The following ADK variants were observed in gnomAD, a reference collection of about 807,000 sequenced individuals.
ADK encodes the protein adenosine kinase.
A neutral mutation model predicts 44.7 loss-of-function variants in ADK; 24 were observed. That is an observed-to-expected ratio of 0.54 (90% CI 0.39 to 0.76). The LOEUF is 0.76. ADK is among the 30% of genes least tolerant of loss of function. The pLI, the probability that ADK is intolerant of heterozygous loss-of-function variation, is 0.00. For synonymous variants in ADK, 128 were observed against 142.6 expected (o/e 0.90, Z 0.73); for missense variants, 321 against 425.1 (o/e 0.76, Z 2.15).
At chr10:74,183,980 A>G (rs1224651321) in intron 1 of ADK, among the ~76,000 whole-genome samples, 1 of 151,600 alleles carries the variant, frequency 6.6e-6, no homozygotes, top group African/African-American at 2.4e-5. Flanking sequence ...GCAGTGGCAC[A>G]ATCTCAGCTC....
intron 1 of ADK, among the ~76,000 whole-genome samples, chr10:74,157,404 A>G (rs1168090152): frequency 2.0e-5 from 3 of 152,246 alleles, no homozygotes; most frequent in Non-Finnish European, 4.4e-5. Context: ...AATAATGGTC[A>G]TAAAAAAACA....
chr10:74,395,099 G>C (rs2132832108), intron 5 of ADK, among the ~76,000 whole-genome samples: 1 of 152,206 alleles, frequency 6.6e-6, no homozygotes, highest in African/African-American at 2.4e-5. Context: ...ATATTGTTGG[G>C]ATAATCAAAG....
At chr10:74,206,015 T>C (rs1843583679) in intron 2 of ADK, among the ~76,000 whole-genome samples, 1 of 152,192 alleles carries the variant, frequency 6.6e-6, no homozygotes, top group African/African-American at 2.4e-5. Flanking sequence ...ATAAAATCAG[T>C]TGGACATGAA....
At chr10:74,681,690 AAC>A (rs1855606037) in intron 10 of ADK, among the ~76,000 whole-genome samples, 2 of 152,052 alleles carry the variant, frequency 1.3e-5, no homozygotes, top group African/African-American at 4.8e-5. Context: ...CTCTACTAAA[AAC>A]ACAAAAAATT....
intron 4 of ADK, among the ~76,000 whole-genome samples, chr10:74,321,742 C>T (rs1250324147): frequency 6.6e-6 from 1 of 152,002 alleles, no homozygotes; most frequent in Non-Finnish European, 1.5e-5. Context: ...TGCCTAAATG[C>T]CAGTGTGTTT....
chr10:74,253,766 CT>C (rs369449016), intron 3 of ADK, among the ~76,000 whole-genome samples: 70 of 125,040 alleles, frequency 5.6e-4, no homozygotes, highest in Admixed American at 9.5e-4. Context: ...TCTACACTGC[CT>C]TTTTTTTTTT....
At chr10:74,537,593 AG>A (rs1399980035) in intron 7 of ADK, among the ~76,000 whole-genome samples, 1 of 152,202 alleles carries the variant, frequency 6.6e-6, no homozygotes, top group African/African-American at 2.4e-5. Context: ...TAAATTAAGA[AG>A]GTTTTTTTAA....
chr10:74,564,993 G>A (rs1037301055), intron 7 of ADK, among the ~76,000 whole-genome samples: 2 of 152,082 alleles, frequency 1.3e-5, no homozygotes, highest in African/African-American at 4.8e-5. Flanking sequence ...ATAGCTTTCT[G>A]TGTTGGATAT....
chr10:74,416,065 C>T lies in ADK; in HGVS notation c.555+17486C>T, dbSNP rs866082216. Among the ~76,000 whole-genome samples the T allele has an allele frequency of 2.6e-3, 351 of 134,646 alleles. 1 individual carries two copies. Among genetic ancestry groups the T allele is most frequent in the Middle Eastern group, 0.023 (6 of 262 alleles). 88.3% of individuals were successfully genotyped at this position (134,646 alleles called of 152,430 possible). On this transcript the variant is annotated intron_variant, in intron 6 of 10. Coordinates refer to ENST00000539909, the MANE Select transcript of ADK (RefSeq NM_006721.4). Reference sequence around the variant, plus strand: ...ACACACACACACACACACACACACACATATATGTAATGCTACCGTGTTTGA... The same window carrying T: ...ACACACACACACACACACACACACATATATATGTAATGCTACCGTGTTTGA...
chr10:74,611,890 G>A (rs1852560623), intron 9 of ADK, among the ~76,000 whole-genome samples: 1 of 152,110 alleles, frequency 6.6e-6, no homozygotes, highest in Non-Finnish European at 1.5e-5. Flanking sequence ...GGACACTTAG[G>A]TTGATTCCAT....
rs189919504 is a variant in ADK, at chr10:74,329,795, G to A, written c.273+15050G>A. ...AAAGCAGTACTAATGACTTTATGAA[G>A]ATGGCATATGATTTATGTATGTATG... On this transcript the variant is annotated intron_variant, in intron 4 of 10. Transcript: ENST00000539909. 1.6e-4 allele frequency among the ~76,000 whole-genome samples: 25 copies of A among 152,264 alleles called. No individual in the cohort carries two copies. In the East Asian group the frequency reaches 3.9e-3, roughly 24 times the overall value.
chr10:74,353,461 G>A lies in ADK; in HGVS notation c.273+38716G>A, dbSNP rs190822215. 4.0e-5 allele frequency among the ~76,000 whole-genome samples: 6 copies of A among 151,636 alleles called. No homozygotes were observed. In the East Asian group the frequency reaches 1.2e-3, roughly 29 times the overall value. ...TTAGGACAAATACCTATTGCATGCA[G>A]AGCTTAAAACTTAGATGATGGGTTG... is the stretch of plus-strand genomic sequence containing the variant. On this transcript the variant is annotated intron_variant, in intron 4 of 10. Coordinates refer to ENST00000539909, the MANE Select transcript of ADK (RefSeq NM_006721.4).
chr10:74,558,548 A>G (rs1339656605), intron 7 of ADK, among the ~76,000 whole-genome samples: 1 of 152,210 alleles, frequency 6.6e-6, no homozygotes, highest in Non-Finnish European at 1.5e-5. Context: ...ACCACTGTGT[A>G]AGATGCACCT....
rs1591855591 is a variant in ADK at position 74,208,282 on chromosome 10, G to A, written c.140+7444G>A. ...GCTCCAGCCCTGCCAACTTGGAAGT[G>A]GGTGTGGCTCCCACCTGTTCCCAGC... On this transcript the variant is annotated intron_variant, in intron 2 of 10. Transcript: ENST00000539909. Among the ~76,000 whole-genome samples, 4 of 152,364 alleles carry A rather than the reference G, an allele frequency of 2.6e-5. 2 individuals carry two copies. The highest frequency in any genetic ancestry group is 2.6e-4 in the Admixed American group (4 of 15,308).
At position 74,455,221 on chromosome 10, in the gene ADK, C is replaced by T. The variant is rs530925185; in HGVS notation, c.555+56642C>T. Among the ~76,000 whole-genome samples, 203 of 152,142 alleles carry T rather than the reference C, an allele frequency of 1.3e-3. 1 individual carries two copies. The highest frequency in any genetic ancestry group is 4.6e-3 in the African/African-American group (190 of 41,514). On this transcript the variant is annotated intron_variant, in intron 6 of 10. Coordinates refer to ENST00000539909, the MANE Select transcript of ADK (RefSeq NM_006721.4). The stretch of plus-strand genomic sequence containing the variant: ...AAAATGTTTGCTATAAAGATATTTT[C>T]GACCTTCCATGGTGGTTCATGCCTA...
intron 6 of ADK, among the ~76,000 whole-genome samples, chr10:74,420,042 A>C (rs1293412230): frequency 6.6e-6 from 1 of 152,182 alleles, no homozygotes; most frequent in Non-Finnish European, 1.5e-5. Flanking sequence ...CACTGCCACC[A>C]GGGGGAGGAA....
At chr10:74,424,567 A>AAAT (rs1844720770) in intron 6 of ADK, among the ~76,000 whole-genome samples, 2 of 140,072 alleles carry the variant, frequency 1.4e-5, no homozygotes, top group African/African-American at 2.6e-5. Flanking sequence ...AAAAAAAAAA[A>AAAT]ATTCCCCTGC....
chr10:74,438,234 T>TC (rs1436188250), intron 6 of ADK, among the ~76,000 whole-genome samples: 1 of 147,340 alleles, frequency 6.8e-6, no homozygotes, highest in East Asian at 2.0e-4. Context: ...CTCTCTCTCT[T>TC]TTTTTTTTTT....
chr10:74,517,562 GC>G lies in ADK; in HGVS notation c.556-7692del, dbSNP rs568635637. 5.2e-3 allele frequency among the ~76,000 whole-genome samples: 793 copies of G among 151,938 alleles called. 7 individuals carry two copies. Among genetic ancestry groups the G allele is most frequent in the African/African-American group, 0.018 (757 of 41,436 alleles). On this transcript the variant is annotated intron_variant, in intron 6 of 10. Transcript: ENST00000539909. ...AAACTAGCTGGGCGTCGTGGTGCATGCCTGTAGTCCCAGCTACTTAGGAGGC... is the reference window on the plus strand; with the variant it reads ...AAACTAGCTGGGCGTCGTGGTGCATGCTGTAGTCCCAGCTACTTAGGAGGC...
Sources: allele counts gnomAD v4.1 joint callset (sites outside exome capture counted in the v4.1 genomes callset), GRCh38; gene constraint gnomAD v4.1.1; transcripts MANE v1.5; gene names NCBI Gene and HGNC (gene_info 2026-07-23, HGNC 2026-07-21).